BANF2: variants seen among roughly 807,000 people sequenced by gnomAD.
BANF2 encodes barrier-to-autointegration factor-like protein.
A neutral mutation model predicts 8.0 loss-of-function variants in BANF2; 4 were observed. The ratio of observed to expected loss-of-function variants is 0.50; its 90% confidence interval spans 0.25 to 1.14. The LOEUF (loss-of-function observed/expected upper bound fraction) is 1.14, where lower values mean the gene tolerates loss of function less well. Ranked by LOEUF, BANF2 falls within the 50% of genes most tolerant of loss-of-function variation. The pLI is 0.16. For synonymous variants in BANF2, 50 were observed against 40.6 expected (o/e 1.23, Z -0.88); for missense variants, 96 against 107.5 (o/e 0.89, Z 0.47).
At chr20:17,721,750 CAG>C (rs1026825487) in intron 1 of BANF2, among the ~76,000 whole-genome samples, 3 of 152,184 alleles carry the variant, frequency 2.0e-5, no homozygotes, top group Non-Finnish European at 4.4e-5. Context: ...GCTGTTCACA[CAG>C]AGTCATTGAC....
At position 17,723,208 on chromosome 20, in the gene BANF2, G is replaced by T. The variant is rs149030567; in HGVS notation, c.-4+330G>T. Among the ~76,000 whole-genome samples the T allele has an allele frequency of 5.0e-4, 76 of 152,310 alleles. 2 individuals carry two copies. The highest frequency in any genetic ancestry group is 3.4e-3 in the Middle Eastern group (1 of 294). Reference sequence around the variant, plus strand: ...GGCTTTGAGGGACACTGACTTCCTTGCTGAGCCCAGAGGTAGAACACACAT... The same window carrying T: ...GGCTTTGAGGGACACTGACTTCCTTTCTGAGCCCAGAGGTAGAACACACAT... On this transcript the variant is annotated intron_variant, in intron 2 of 3. Transcript: ENST00000246090.
intron 1 of BANF2, among the ~76,000 whole-genome samples, chr20:17,722,082 G>A (rs2037739020): frequency 6.6e-6 from 1 of 152,180 alleles, no homozygotes; most frequent in Admixed American, 6.5e-5. Flanking sequence ...CCCCAGTTGA[G>A]CACCACTGTT....
At chr20:17,728,729 GCCATAT>G (rs2037848065) in intron 3 of BANF2, among the ~76,000 whole-genome samples, 2 of 152,140 alleles carry the variant, frequency 1.3e-5, no homozygotes, top group African/African-American at 4.8e-5. Flanking sequence ...GAGCTTAAAA[GCCATAT>G]GTGATAGCCT....
At chr20:17,732,077 A>G (rs956341486) in intron 3 of BANF2, among the ~76,000 whole-genome samples, 11 of 151,726 alleles carry the variant, frequency 7.2e-5, no homozygotes, top group African/African-American at 2.7e-4. Flanking sequence ...AAAAAAAAAG[A>G]AAAAAAGGAA....
chr20:17,717,820 A>G (rs1338390923), intron 1 of BANF2, among the ~76,000 whole-genome samples: 1 of 152,316 alleles, frequency 6.6e-6, no homozygotes, highest in Non-Finnish European at 1.5e-5. Flanking sequence ...TAGATGAGGG[A>G]AAAACACTGA....
At chr20:17,708,083 C>T (rs185972445) in intron 1 of BANF2, among the ~76,000 whole-genome samples, 1 of 150,494 alleles carries the variant, frequency 6.6e-6, no homozygotes, top group Admixed American at 6.6e-5. Context: ...AAGAATTAGC[C>T]AGGTGTTGCG....
At chr20:17,701,144 A>G (rs921823740) in intron 1 of BANF2, among the ~76,000 whole-genome samples, 1 of 152,298 alleles carries the variant, frequency 6.6e-6, no homozygotes, top group South Asian at 2.1e-4. Flanking sequence ...CAAGACGCCA[A>G]TGGTTCACCA....
chr20:17,710,532 T>C (rs1886999985), intron 1 of BANF2, among the ~76,000 whole-genome samples: 1 of 152,204 alleles, frequency 6.6e-6, no homozygotes, highest in South Asian at 2.1e-4. Context: ...ACTCGCCAGC[T>C]CAATTCGGTT....
At chr20:17,701,852 T>C (rs2037414427) in intron 1 of BANF2, among the ~76,000 whole-genome samples, 1 of 152,182 alleles carries the variant, frequency 6.6e-6, no homozygotes, top group African/African-American at 2.4e-5. Flanking sequence ...ACTGAACAAA[T>C]GGAGGAGCCA....
Position 17,735,660 on chromosome 20 carries a change from C to T in BANF2, c.127-5C>T. 2 of 1,613,250 alleles carry T rather than the reference C, an allele frequency of 1.2e-6. No individual in the cohort carries two copies. Among genetic ancestry groups the T allele is most frequent in the Non-Finnish European group, 1.7e-6 (2 of 1,179,406 alleles). On this transcript the variant is annotated splice_region_variant and splice_polypyrimidine_tract_variant and intron_variant, in intron 3 of 3. Transcript: ENST00000246090. ...GCTTTCCTCCCTGTCTCATCCCCTC[C>T]CCAGGCCTACATCCTGCTGGGACAA...
At chr20:17,711,992 T>G (rs1323688397) in intron 1 of BANF2, among the ~76,000 whole-genome samples, 1 of 152,210 alleles carries the variant, frequency 6.6e-6, no homozygotes, top group Non-Finnish European at 1.5e-5. Flanking sequence ...GAGTGATGGC[T>G]GCCAGGTGGG....
chr20:17,696,056 C>T (rs947330995), upstream of BANF2, among the ~76,000 whole-genome samples: 3 of 152,184 alleles, frequency 2.0e-5, no homozygotes, highest in East Asian at 1.9e-4. Context: ...TATACATTCA[C>T]CTATTAATGG....
At chr20:17,716,481 G>A (rs557119243) in intron 1 of BANF2, among the ~76,000 whole-genome samples, 10 of 152,014 alleles carry the variant, frequency 6.6e-5, no homozygotes, top group East Asian at 3.9e-4. Flanking sequence ...CCACAGGTGT[G>A]TGCCACCATG....
In BANF2 at chr20:17,722,896, G is replaced by T; in HGVS notation, c.-4+18G>T. 1.0e-6 allele frequency: 1 copy of T among 982,502 alleles called. No individual in the cohort carries two copies. The allele number at this position is 982,502 out of a possible 1,614,324, so 60.9% of individuals were successfully genotyped here. A position where few individuals can be genotyped will look rare whatever the true frequency, so the allele number is the denominator to read the frequency against. ...GTAGAAAGGTCTGGAGGAGGATGGGGACAGGAGAGGGGATGGGGCTGTGAA... is the reference window on the plus strand; with the variant it reads ...GTAGAAAGGTCTGGAGGAGGATGGGTACAGGAGAGGGGATGGGGCTGTGAA... On this transcript the variant is annotated intron_variant, in intron 2 of 3. Transcript: ENST00000246090.
chr20:17,696,343 G>A (rs2037345930), upstream of BANF2, among the ~76,000 whole-genome samples: 2 of 152,150 alleles, frequency 1.3e-5, no homozygotes, highest in Admixed American at 6.5e-5. Flanking sequence ...AAATACCCAG[G>A]AGTAGAATCC....
chr20:17,718,738 G>A (rs925479874), intron 1 of BANF2, among the ~76,000 whole-genome samples: 1 of 152,164 alleles, frequency 6.6e-6, no homozygotes, highest in Admixed American at 6.5e-5. Context: ...GCAACTGGGA[G>A]GTCATTCCTT....
chr20:17,728,807 A>C (rs945467360), intron 3 of BANF2, among the ~76,000 whole-genome samples: 8 of 152,008 alleles, frequency 5.3e-5, no homozygotes, highest in Non-Finnish European at 7.4e-5. Context: ...TGGCCTGAGG[A>C]TCTAGATCCA....
At chr20:17,693,813 G>A in intron 1 of BANF2, 1 of 1,300,642 alleles carries the variant, frequency 7.7e-7, no homozygotes, top group Non-Finnish European at 1.1e-6. Flanking sequence ...AGTGGGAGGA[G>A]GTGCTTTCCC....
intron 1 of BANF2, among the ~76,000 whole-genome samples, chr20:17,694,670 G>A (rs1349052240): frequency 2.3e-5 from 3 of 127,820 alleles, no homozygotes; most frequent in Admixed American, 1.8e-4. Flanking sequence ...CCAGGCTGGA[G>A]TGCAGTCATG....
Sources: gnomAD v4.1 joint callset for allele counts (sites outside exome capture counted in the v4.1 genomes callset) on GRCh38, gnomAD v4.1.1 for gene constraint, MANE v1.5 for transcripts, NCBI Gene and HGNC (gene_info 2026-07-23, HGNC 2026-07-21) for gene names.